CAST: variants seen among roughly 807,000 people sequenced by gnomAD.
CAST encodes the protein calpastatin, also known as MIR583 host.
A neutral mutation model predicts 119.6 loss-of-function variants in CAST; 76 were observed. The ratio of observed to expected loss-of-function variants is 0.64; its 90% confidence interval spans 0.53 to 0.77. The LOEUF (loss-of-function observed/expected upper bound fraction) is 0.77, where lower values mean the gene tolerates loss of function less well. CAST is among the 30% of genes least tolerant of loss of function. CAST has a pLI of 0.00. For missense variants in CAST, 953 were observed against 946.5 expected, an observed-to-expected ratio of 1.01 and a Z score of -0.09; for synonymous variants, 319 against 331.6, an observed-to-expected ratio of 0.96 and a Z score of 0.41.
chr5:96,108,011 CG>C, the CAST span, among the ~76,000 whole-genome samples: 3 of 150,770 alleles, frequency 2.0e-5, no homozygotes, highest in South Asian at 6.4e-4. Context: ...TCCAGTTGAT[CG>C]CATCGGCTCC....
At chr5:96,218,030 G>C in the CAST span, among the ~76,000 whole-genome samples, 1 of 152,184 alleles carries the variant, frequency 6.6e-6, no homozygotes, top group East Asian at 1.9e-4. Context: ...TTAATTGAAA[G>C]TTCTGGGGGG....
At chr5:96,485,927 C>G in the CAST span, among the ~76,000 whole-genome samples, 1 of 152,114 alleles carries the variant, frequency 6.6e-6, no homozygotes, top group Admixed American at 6.6e-5. Flanking sequence ...CTTTTGATCT[C>G]TTAGATTTTG....
the CAST span, among the ~76,000 whole-genome samples, chr5:96,359,119 G>T: frequency 6.6e-6 from 1 of 152,074 alleles, no homozygotes; most frequent in African/African-American, 2.4e-5. Flanking sequence ...TATCTTTGTT[G>T]GTTGAAAGTC....
intron 1 of CAST, among the ~76,000 whole-genome samples, chr5:96,635,026 A>C (rs1018225758): frequency 6.6e-6 from 1 of 152,228 alleles, no homozygotes; most frequent in African/African-American, 2.4e-5. Context: ...AATTCTCAGA[A>C]GAGTATGACT....
At chr5:96,547,968 C>T (rs1183029250) in intron 1 of CAST, among the ~76,000 whole-genome samples, 1 of 137,676 alleles carries the variant, frequency 7.3e-6, no homozygotes, top group African/African-American at 2.7e-5. Context: ...CATTCAAAAA[C>T]TGGGCAAATA....
rs114813882 is a variant in CAST, at chr5:96,684,860, A to G, written c.138+9259A>G. ...GCTGGGATTACAGACATGAGCCACC[A>G]TGCCAGACCGTATGCATCACTATTC... On this transcript the variant is annotated intron_variant, in intron 2 of 31. Coordinates refer to ENST00000675179, the MANE Select transcript of CAST (RefSeq NM_001750.7). Among the ~76,000 whole-genome samples the G allele has an allele frequency of 3.1e-3, 475 of 152,226 alleles. 2 individuals are homozygous for G. Among genetic ancestry groups the G allele is most frequent in the African/African-American group, 0.011 (469 of 41,530 alleles).
At chr5:96,420,344 C>T in the CAST span, among the ~76,000 whole-genome samples, 2 of 152,162 alleles carry the variant, frequency 1.3e-5, no homozygotes, top group Non-Finnish European at 1.5e-5. Flanking sequence ...CCTGCATTAT[C>T]CTGCTTCAGA....
chr5:96,650,767 T>TGC (rs1748084652), intron 1 of CAST, among the ~76,000 whole-genome samples: 1 of 139,672 alleles, frequency 7.2e-6, no homozygotes, highest in African/African-American at 2.6e-5. Context: ...TGTGTGTGTG[T>TGC]AGCGTGTGGG....
chr5:96,276,611 C>G, the CAST span, among the ~76,000 whole-genome samples: 5 of 152,322 alleles, frequency 3.3e-5, no homozygotes, highest in South Asian at 8.3e-4. Context: ...TATTCCTGTA[C>G]TCTACTATTG....
the CAST span, among the ~76,000 whole-genome samples, chr5:96,416,733 T>C: frequency 1.3e-5 from 2 of 152,200 alleles, no homozygotes; most frequent in Admixed American, 6.5e-5. Context: ...TACCAGCTAA[T>C]TGGAAAGCCA....
chr5:96,357,633 G>A, the CAST span, among the ~76,000 whole-genome samples: 1 of 152,066 alleles, frequency 6.6e-6, no homozygotes, highest in African/African-American at 2.4e-5. Flanking sequence ...TGGATTACAT[G>A]TATTGATTTG....
the CAST span, among the ~76,000 whole-genome samples, chr5:96,426,566 G>T: frequency 1.3e-5 from 2 of 152,100 alleles, no homozygotes; most frequent in Non-Finnish European, 2.9e-5. Flanking sequence ...TATGCAAAGA[G>T]ATCTGACAAT....
the CAST span, among the ~76,000 whole-genome samples, chr5:96,476,282 T>C: frequency 2.6e-4 from 40 of 152,286 alleles, no homozygotes; most frequent in African/African-American, 8.9e-4. Context: ...TTTTTATTGA[T>C]TTTTTTCATA....
Position 96,741,481 on chromosome 5 carries a change from T to C in CAST, c.1012-13T>C, listed in dbSNP as rs751518624. On this transcript the variant is annotated splice_polypyrimidine_tract_variant and intron_variant, in intron 14 of 31. Transcript: ENST00000675179. ...TCATCTGTAAGTCTAATCTTTTGTA[T>C]TTTGTTTTTCAGGAATCTACAGAAG... The C allele has an allele frequency of 6.9e-6, 11 of 1,600,520 alleles. No homozygotes were observed. The highest frequency in any genetic ancestry group is 7.7e-6 in the Non-Finnish European group (9 of 1,168,156).
chr5:96,590,232 A>G (rs1228480120), intron 1 of CAST, among the ~76,000 whole-genome samples: 1 of 152,236 alleles, frequency 6.6e-6, no homozygotes, highest in Non-Finnish European at 1.5e-5. Flanking sequence ...AGCATCTCAG[A>G]CCTACTGAAT....
the CAST span, chr5:96,429,157 A>G: frequency 1.4e-5 from 13 of 910,034 alleles, no homozygotes; most frequent in Non-Finnish European, 2.3e-5. Flanking sequence ...ATTAGAAATC[A>G]TAAAGAAAGC....
At chr5:96,134,888 A>G in the CAST span, among the ~76,000 whole-genome samples, 5 of 152,224 alleles carry the variant, frequency 3.3e-5, no homozygotes, top group East Asian at 9.6e-4. Flanking sequence ...AGCCTGTGGT[A>G]AGTGGGGACA....
the CAST span, among the ~76,000 whole-genome samples, chr5:96,362,192 C>A: frequency 2.0e-5 from 3 of 152,072 alleles, no homozygotes; most frequent in African/African-American, 7.2e-5. Context: ...CATAGTATTC[C>A]ATGGTGTATA....
chr5:96,731,801 T>C (rs935414812), intron 9 of CAST, among the ~76,000 whole-genome samples: 7 of 151,122 alleles, frequency 4.6e-5, no homozygotes, highest in Non-Finnish European at 8.8e-5. Flanking sequence ...TGATTTCCAA[T>C]TTCATCCATG....
Sources: allele counts gnomAD v4.1 joint callset (sites outside exome capture counted in the v4.1 genomes callset), GRCh38; gene constraint gnomAD v4.1.1; transcripts MANE v1.5; gene names NCBI Gene and HGNC (gene_info 2026-07-23, HGNC 2026-07-21).